The following ADIPOR2 variants were observed in gnomAD, a reference collection of about 807,000 sequenced individuals.
ADIPOR2 encodes the protein adiponectin receptor 2, also known as adiponectin receptor protein 2.
A neutral mutation model predicts 40.9 loss-of-function variants in ADIPOR2; 18 were observed. The observed-to-expected ratio is 0.44, with a 90% CI of 0.30 to 0.65. The LOEUF is 0.65. Ranked by LOEUF, ADIPOR2 falls within the 30% of genes least tolerant of loss-of-function variation. The pLI, the probability that ADIPOR2 is intolerant of heterozygous loss-of-function variation, is 0.09. For missense variants in ADIPOR2, 283 were observed against 479.2 expected, an observed-to-expected ratio of 0.59 and a Z score of 3.82; for synonymous variants, 165 against 166.4, an observed-to-expected ratio of 0.99 and a Z score of 0.06.
At chr12:1,734,360 A>G (rs1040226760) in intron 1 of ADIPOR2, among the ~76,000 whole-genome samples, 3 of 152,294 alleles carry the variant, frequency 2.0e-5, no homozygotes, top group South Asian at 4.1e-4. Flanking sequence ...TCTGATGGCC[A>G]GTGATGATGA....
chr12:1,699,573 C>T (rs2094646126), intron 1 of ADIPOR2, among the ~76,000 whole-genome samples: 1 of 152,210 alleles, frequency 6.6e-6, no homozygotes, highest in African/African-American at 2.4e-5. Flanking sequence ...ATCACTTGAA[C>T]CCGGGAGGCA....
intron 1 of ADIPOR2, among the ~76,000 whole-genome samples, chr12:1,733,012 T>C (rs2094723477): frequency 6.6e-6 from 1 of 152,196 alleles, no homozygotes; most frequent in Admixed American, 6.5e-5. Context: ...TGATATGCAG[T>C]AAAGTTTCAC....
At chr12:1,715,014 A>G (rs906240776) in intron 1 of ADIPOR2, among the ~76,000 whole-genome samples, 3 of 152,032 alleles carry the variant, frequency 2.0e-5, no homozygotes, top group South Asian at 2.1e-4. Flanking sequence ...TGAAGGGGAC[A>G]TAACCGATAG....
chr12:1,750,489 G>T (rs12296831), intron 1 of ADIPOR2, among the ~76,000 whole-genome samples: 1 of 151,494 alleles, frequency 6.6e-6, no homozygotes, highest in African/African-American at 2.4e-5. Context: ...GATCCGTTGA[G>T]CCCAGGAGTT....
chr12:1,722,225 G>A (rs2094699331), intron 1 of ADIPOR2, among the ~76,000 whole-genome samples: 1 of 152,192 alleles, frequency 6.6e-6, no homozygotes, highest in Non-Finnish European at 1.5e-5. Context: ...TGAATCAACA[G>A]GACTTGCTGA....
chr12:1,719,250 C>T (rs1281895054), intron 1 of ADIPOR2, among the ~76,000 whole-genome samples: 1 of 152,066 alleles, frequency 6.6e-6, no homozygotes, highest in Non-Finnish European at 1.5e-5. Context: ...TGGAATGTAG[C>T]AGGGCTCCAT....
rs771232113 is a variant in ADIPOR2 at position 1,786,391 on chromosome 12, G to A, written c.*319G>A. 1 of 250,720 alleles carries A rather than the reference G, an allele frequency of 4.0e-6. No individual in the cohort carries two copies. The highest frequency in any genetic ancestry group is 7.7e-6 in the Non-Finnish European group (1 of 130,350). The allele number at this position is 250,720 out of a possible 1,614,324, so 15.5% of individuals were successfully genotyped here. ...CTTCTGATCCATATCATATTTATTT[G>A]TAGAAGATGGCGAAACAGTTTAGCT... On this transcript the variant is annotated 3_prime_UTR_variant, in exon 8 of 8. Transcript: ENST00000357103.
At position 1,786,009 on chromosome 12, in the gene ADIPOR2, C is replaced by G. The variant is rs141185371; in HGVS notation, c.1098C>G (p.Val366=). ...GAGCTTTTGTTCACTTCCATGGTGT[C>G]TCAAACCTCCAGGAGTTTCGTTTCA... ...VAGAFVHFHG[V]SNLQEFRFMI... Residue 366 remains valine, a synonymous_variant, in exon 8 of 8, where the codon GTC becomes GTG. Coordinates refer to ENST00000357103, the MANE Select transcript of ADIPOR2 (RefSeq NM_024551.3). The G allele has an allele frequency of 1.9e-6, 3 of 1,614,176 alleles. No homozygotes were observed. The highest frequency in any genetic ancestry group is 1.7e-4 in the Middle Eastern group (1 of 6,060).
chr12:1,766,817 T>C (rs2154443965), intron 2 of ADIPOR2, among the ~76,000 whole-genome samples: 1 of 152,348 alleles, frequency 6.6e-6, no homozygotes, highest in Admixed American at 6.5e-5. Flanking sequence ...ATAAGGAACT[T>C]TTATTCATTC....
chr12:1,779,829 G>A (rs1001443170), intron 4 of ADIPOR2, among the ~76,000 whole-genome samples: 3 of 152,194 alleles, frequency 2.0e-5, no homozygotes, highest in Non-Finnish European at 4.4e-5. Flanking sequence ...TGCCTGCCTT[G>A]TGTTAGGTGG....
chr12:1,780,417 A>ATATTTTATC (rs777739515), intron 4 of ADIPOR2, 34 bp from the exon 5 acceptor site: 1 of 1,548,354 alleles, frequency 6.5e-7, no homozygotes, highest in African/African-American at 1.4e-5. Flanking sequence ...CTAAAGGGTG[A>ATATTTTATC]TATTTTATCT....
chr12:1,700,363 T>G (rs1472850969), intron 1 of ADIPOR2, among the ~76,000 whole-genome samples: 1 of 152,218 alleles, frequency 6.6e-6, no homozygotes, highest in Non-Finnish European at 1.5e-5. Flanking sequence ...TATCCATTCC[T>G]TTGGTTAAGG....
intron 1 of ADIPOR2, among the ~76,000 whole-genome samples, chr12:1,695,663 C>A (rs1222446201): frequency 6.8e-3 from 739 of 108,704 alleles, no homozygotes; most frequent in Admixed American, 9.2e-3. Flanking sequence ...AACTCCATCT[C>A]AAAAAAAAAA....
At chr12:1,732,325 C>G (rs2094722136) in intron 1 of ADIPOR2, among the ~76,000 whole-genome samples, 1 of 152,192 alleles carries the variant, frequency 6.6e-6, no homozygotes, top group Non-Finnish European at 1.5e-5. Flanking sequence ...CTACTCATCC[C>G]TAAATCCCTG....
intron 2 of ADIPOR2, chr12:1,757,766 C>G (rs1221514908): frequency 1.8e-6 from 2 of 1,109,462 alleles, no homozygotes; most frequent in Admixed American, 3.4e-5. Context: ...ATGAATCCAG[C>G]AGGGTAGGTT....
At chr12:1,774,897 G>T (rs1862557645) in intron 3 of ADIPOR2, among the ~76,000 whole-genome samples, 1 of 141,638 alleles carries the variant, frequency 7.1e-6, no homozygotes, top group South Asian at 2.5e-4. Context: ...TAGAGATGGG[G>T]TTTCACCATG....
chr12:1,732,530 T>C (rs1438452449), intron 1 of ADIPOR2, among the ~76,000 whole-genome samples: 1 of 152,240 alleles, frequency 6.6e-6, no homozygotes, highest in Non-Finnish European at 1.5e-5. Flanking sequence ...TGTATGGATG[T>C]GTACCACAGT....
chr12:1,746,948 T>C (rs2094756429), intron 1 of ADIPOR2, among the ~76,000 whole-genome samples: 1 of 152,060 alleles, frequency 6.6e-6, no homozygotes, highest in Non-Finnish European at 1.5e-5. Context: ...AAGAGGAAGA[T>C]TGTTTGAACC....
intron 1 of ADIPOR2, among the ~76,000 whole-genome samples, chr12:1,702,581 T>C (rs895435427): frequency 4.0e-5 from 6 of 151,808 alleles, no homozygotes; most frequent in Admixed American, 3.9e-4. Context: ...ACTATTCAAG[T>C]GTTTGTTTCT....
Sources: allele counts gnomAD v4.1 joint callset (sites outside exome capture counted in the v4.1 genomes callset), GRCh38; gene constraint gnomAD v4.1.1; transcripts MANE v1.5; gene names NCBI Gene and HGNC (gene_info 2026-07-23, HGNC 2026-07-21).